NFIB: variants seen among roughly 807,000 people sequenced by gnomAD.
The protein encoded by NFIB is nuclear factor 1 B-type.
In NFIB, 11 loss-of-function variants were observed where a neutral mutation model predicts 61.5. The observed-to-expected ratio is 0.18, with a 90% CI of 0.11 to 0.30. The LOEUF (loss-of-function observed/expected upper bound fraction) is 0.30. Ranked by LOEUF, NFIB falls within the 10% of genes least tolerant of loss-of-function variation. The probability of loss-of-function intolerance (pLI) is 1.00; values close to 1 mark genes in which losing one functional copy is unlikely to be tolerated. For synonymous variants in NFIB, 260 were observed against 216.5 expected (o/e 1.20, Z -1.76); for missense variants, 471 against 608.9 (o/e 0.77, Z 2.38).
intron 2 of NFIB, among the ~76,000 whole-genome samples, chr9:14,215,212 C>T (rs2050729017): frequency 7.0e-6 from 1 of 142,226 alleles, no homozygotes; most frequent in Admixed American, 6.8e-5. Flanking sequence ...CATCAACTTT[C>T]ACATCAGTTT....
chr9:14,112,810 T>G (rs558417143), intron 10 of NFIB, among the ~76,000 whole-genome samples, 189 bp downstream of exon 10: 1 of 152,306 alleles, frequency 6.6e-6, no homozygotes, highest in South Asian at 2.1e-4. Flanking sequence ...ATGAGCCAAT[T>G]TGAGAAACTC....
intron 2 of NFIB, among the ~76,000 whole-genome samples, chr9:14,269,729 G>T (rs974317494): frequency 6.6e-6 from 1 of 152,002 alleles, no homozygotes; most frequent in African/African-American, 2.4e-5. Context: ...TATATGTCCC[G>T]ATTTTTTTTT....
the NFIB span, among the ~76,000 whole-genome samples, chr9:14,468,438 T>C: frequency 5.4e-4 from 82 of 152,320 alleles, 2 homozygotes; most frequent in African/African-American, 1.9e-3. Flanking sequence ...AAATGCCCAC[T>C]TATTAATGAA....
At chr9:14,355,238 G>A (rs1232126992) in intron 1 of NFIB, among the ~76,000 whole-genome samples, 1 of 152,154 alleles carries the variant, frequency 6.6e-6, no homozygotes, top group Non-Finnish European at 1.5e-5. Context: ...CCCTAATCCA[G>A]TATGACTGGT....
intron 1 of NFIB, among the ~76,000 whole-genome samples, chr9:14,345,449 T>C (rs1330135689): frequency 6.6e-6 from 1 of 152,146 alleles, no homozygotes; most frequent in Admixed American, 6.5e-5. Flanking sequence ...CAGTGAAATC[T>C]AGGGTACCGG....
intron 10 of NFIB, among the ~76,000 whole-genome samples, chr9:14,090,766 A>G (rs2033777201): frequency 6.6e-6 from 1 of 152,076 alleles, no homozygotes; most frequent in South Asian, 2.1e-4. Flanking sequence ...AAATTAAGTG[A>G]GCTCAAGAAA....
intron 2 of NFIB, among the ~76,000 whole-genome samples, chr9:14,266,080 C>A: frequency 6.6e-6 from 1 of 152,090 alleles, no homozygotes; most frequent in East Asian, 1.9e-4. Flanking sequence ...GGGTTCCTCT[C>A]CCGTACTCAC....
At chr9:14,245,045 C>G (rs2132073028) in intron 2 of NFIB, among the ~76,000 whole-genome samples, 1 of 152,270 alleles carries the variant, frequency 6.6e-6, no homozygotes, top group South Asian at 2.1e-4. Context: ...CCTCTGCAAC[C>G]TCAATCAAAC....
intron 6 of NFIB, among the ~76,000 whole-genome samples, chr9:14,144,421 C>G (rs895085629): frequency 6.6e-6 from 1 of 152,114 alleles, no homozygotes; most frequent in African/African-American, 2.4e-5. Flanking sequence ...GTCAGTAAAA[C>G]AAGCAATAAA....
intron 2 of NFIB, among the ~76,000 whole-genome samples, chr9:14,189,608 A>C (rs1440381224): frequency 6.6e-6 from 1 of 151,784 alleles, no homozygotes; most frequent in Non-Finnish European, 1.5e-5. Context: ...CTAAAAAAAA[A>C]AAAATCCCCA....
chr9:14,184,858 C>CA (rs1473869717), intron 2 of NFIB, among the ~76,000 whole-genome samples: 2 of 151,878 alleles, frequency 1.3e-5, no homozygotes, highest in East Asian at 1.9e-4. Flanking sequence ...CCGTCTCTAC[C>CA]AAAAAATACA....
At position 14,376,306 on chromosome 9, in the gene NFIB, A is replaced by G. The variant is rs549288685; in HGVS notation, c.108+22218T>C. ...TGGAGCTTACAATCATGTTTTAAAC[A>G]TAATTTTTAAAAAAGTTAACATTTT... is the stretch of plus-strand genomic sequence containing the variant. On this transcript the variant is annotated intron_variant, in intron 1 of 8. Transcript: ENST00000380934. Among the ~76,000 whole-genome samples the G allele has an allele frequency of 2.0e-3, 299 of 151,890 alleles. 1 individual carries two copies. The highest frequency in any genetic ancestry group is 6.8e-3 in the African/African-American group (280 of 41,224).
In NFIB at chr9:14,175,593, G is replaced by A. The variant is rs117423885; in HGVS notation, c.616+4134C>T. Among the ~76,000 whole-genome samples the A allele has an allele frequency of 7.1e-3, 1,079 of 152,232 alleles. 5 individuals are homozygous for A. Among genetic ancestry groups the A allele is most frequent in the South Asian group, 0.015 (74 of 4,818 alleles). ...ATCCTTGCTCCAGAGAGGATATAAG[G>A]TGGCTTACTTGAGGTACACCCAATA... is the stretch of plus-strand genomic sequence containing the variant. On this transcript the variant is annotated intron_variant, in intron 3 of 10. Transcript: ENST00000380953.
the NFIB span, among the ~76,000 whole-genome samples, chr9:14,440,045 C>T: frequency 1.3e-5 from 2 of 152,158 alleles, no homozygotes; most frequent in African/African-American, 4.8e-5. Flanking sequence ...GTAGAACGAT[C>T]CAGGCATTTG....
chr9:14,452,924 G>C, the NFIB span, among the ~76,000 whole-genome samples: 1 of 152,118 alleles, frequency 6.6e-6, no homozygotes, highest in Admixed American at 6.6e-5. Flanking sequence ...CACAGCATTG[G>C]GTTTTATTTA....
chr9:14,457,722 G>C, the NFIB span, among the ~76,000 whole-genome samples: 4 of 152,096 alleles, frequency 2.6e-5, no homozygotes, highest in African/African-American at 9.7e-5. Flanking sequence ...ACTACCATCA[G>C]AGAATACTAT....
the NFIB span, among the ~76,000 whole-genome samples, chr9:14,448,456 T>G: frequency 6.6e-6 from 1 of 152,226 alleles, no homozygotes; most frequent in Non-Finnish European, 1.5e-5. Context: ...AAAGGGATTG[T>G]CATAATTCCC....
chr9:14,409,426 C>T, the NFIB span, among the ~76,000 whole-genome samples: 1 of 152,160 alleles, frequency 6.6e-6, no homozygotes, highest in African/African-American at 2.4e-5. Context: ...CAACCAGCCA[C>T]ACGGCTGGAT....
chr9:14,462,567 C>T, the NFIB span, among the ~76,000 whole-genome samples: 1 of 152,150 alleles, frequency 6.6e-6, no homozygotes, highest in South Asian at 2.1e-4. Flanking sequence ...CAGGAGTGAG[C>T]CACCGTGCCC....
Sources: allele counts gnomAD v4.1 joint callset (sites outside exome capture counted in the v4.1 genomes callset), GRCh38; gene constraint gnomAD v4.1.1; transcripts MANE v1.5; gene names NCBI Gene and HGNC (gene_info 2026-07-23, HGNC 2026-07-21).